LIPI: variants seen among roughly 807,000 people sequenced by gnomAD.
The protein encoded by LIPI is lipase I, also known as lipase member I.
A neutral mutation model predicts 50.6 loss-of-function variants in LIPI; 59 were observed. The observed-to-expected ratio is 1.16, with a 90% CI of 0.94 to 1.45. The LOEUF (loss-of-function observed/expected upper bound fraction) is 1.45. Ranked by LOEUF, LIPI falls within the 40% of genes most tolerant of loss-of-function variation. The probability of loss-of-function intolerance (pLI) is 0.00; values close to 1 mark genes in which losing one functional copy is unlikely to be tolerated. For synonymous variants in LIPI, 203 were observed against 178.2 expected, an observed-to-expected ratio of 1.14 and a Z score of -1.11; for missense variants, 586 against 536.3, an observed-to-expected ratio of 1.09 and a Z score of -0.92.
intron 9 of LIPI, among the ~76,000 whole-genome samples, chr21:14,131,928 G>C (rs1310039500): frequency 6.6e-6 from 1 of 152,068 alleles, no homozygotes; most frequent in East Asian, 1.9e-4. Context: ...ACATCCAAAA[G>C]CTTCAATAAG....
chr21:14,207,780 G>T (rs2020264126), intron 1 of LIPI, among the ~76,000 whole-genome samples: 1 of 152,146 alleles, frequency 6.6e-6, no homozygotes, highest in Admixed American at 6.5e-5. Flanking sequence ...AAGAATTAAA[G>T]AGAAAATGAA....
intron 4 of LIPI, among the ~76,000 whole-genome samples, chr21:14,171,018 C>T (rs1174939986): frequency 6.6e-6 from 1 of 150,760 alleles, no homozygotes; most frequent in African/African-American, 2.4e-5. Context: ...TCAGCAAAGT[C>T]TCAGGATACA....
At position 14,206,997 on chromosome 21, in the gene LIPI, C is replaced by T; in HGVS notation, c.46+3803G>A. 3 of 1,009,276 alleles carry T rather than the reference C, an allele frequency of 3.0e-6. No homozygotes were observed. In the East Asian group the frequency reaches 7.3e-5, roughly 25 times the overall value. The allele number at this position is 1,009,276 out of a possible 1,614,324, so 62.5% of individuals were successfully genotyped here. ...AATAAGAAGGAAGACCCTTTTGGGC[C>T]AGCAGAATTCCAAGTACGAAACAAT... On this transcript the variant is annotated intron_variant, in intron 1 of 9. Coordinates refer to ENST00000681601, the MANE Select transcript of LIPI (RefSeq NM_001302998.2).
intron 9 of LIPI, among the ~76,000 whole-genome samples, chr21:14,122,488 T>C (rs2016901201): frequency 6.6e-6 from 1 of 152,224 alleles, no homozygotes; most frequent in African/African-American, 2.4e-5. Flanking sequence ...AGTTTCTATA[T>C]ATTTTGATGC....
At chr21:14,164,763 A>G (rs905278105) in intron 6 of LIPI, among the ~76,000 whole-genome samples, 1 of 152,206 alleles carries the variant, frequency 6.6e-6, no homozygotes, top group Non-Finnish European at 1.5e-5. Flanking sequence ...TTATCCATTT[A>G]GAAGGTATGA....
At chr21:14,184,111 T>C (rs1600912769) in intron 3 of LIPI, among the ~76,000 whole-genome samples, 1 of 152,084 alleles carries the variant, frequency 6.6e-6, no homozygotes, top group East Asian at 1.9e-4. Flanking sequence ...ATTAAGAAAA[T>C]GTGGCACATA....
chr21:14,110,237 G>A (rs1384099952), intron 9 of LIPI, among the ~76,000 whole-genome samples: 1 of 151,552 alleles, frequency 6.6e-6, no homozygotes, highest in African/African-American at 2.4e-5. Flanking sequence ...TTCTTTACTT[G>A]AAAAATCTCC....
rs569339368 is a variant in LIPI at position 14,208,720 on chromosome 21, C to T, written c.46+2080G>A. On this transcript the variant is annotated intron_variant, in intron 1 of 9. Transcript: ENST00000681601. ...AGTAGGTGCAAAAGAGACTGTATGG[C>T]CCACAAAACGTAAAATATTTACTAT... 5.9e-5 allele frequency among the ~76,000 whole-genome samples: 9 copies of T among 152,302 alleles called. No homozygotes were observed. The South Asian group carries it at 1.7e-3, about 28-fold the overall frequency.
At chr21:14,147,857 T>G (rs988382660) in intron 8 of LIPI, among the ~76,000 whole-genome samples, 2 of 152,122 alleles carry the variant, frequency 1.3e-5, no homozygotes, top group African/African-American at 4.8e-5. Flanking sequence ...CTTACCCTGT[T>G]TTTTTGTTCC....
At chr21:14,145,055 C>T (rs1339764883) in intron 8 of LIPI, among the ~76,000 whole-genome samples, 2 of 152,052 alleles carry the variant, frequency 1.3e-5, no homozygotes, top group Admixed American at 6.6e-5. Context: ...GAAAAAGTGA[C>T]ATGTCTTTCT....
intron 9 of LIPI, among the ~76,000 whole-genome samples, chr21:14,125,584 G>A (rs1376594869): frequency 6.6e-6 from 1 of 152,122 alleles, no homozygotes; most frequent in Non-Finnish European, 1.5e-5. Context: ...TTGACATAGA[G>A]CCTCACTCTG....
At chr21:14,210,340 A>G (rs2020330881) in intron 1 of LIPI, among the ~76,000 whole-genome samples, 1 of 152,164 alleles carries the variant, frequency 6.6e-6, no homozygotes. Flanking sequence ...GAATGAGAGC[A>G]AAAGTTGTAG....
intron 9 of LIPI, 59 bp from the exon 10 acceptor site, chr21:14,109,139 G>A: frequency 1.5e-6 from 2 of 1,336,148 alleles, no homozygotes; most frequent in Non-Finnish European, 2.1e-6. Flanking sequence ...CAACAGAGTT[G>A]ATTTCCTTCT....
At chr21:14,118,995 C>A (rs1268513748) in intron 9 of LIPI, among the ~76,000 whole-genome samples, 1 of 152,230 alleles carries the variant, frequency 6.6e-6, no homozygotes, top group East Asian at 1.9e-4. Flanking sequence ...ACACTGCATG[C>A]TATTGTGCCT....
intron 9 of LIPI, among the ~76,000 whole-genome samples, chr21:14,115,680 C>A (rs1441128000): frequency 6.6e-6 from 1 of 152,118 alleles, no homozygotes; most frequent in African/African-American, 2.4e-5. Flanking sequence ...TGTCTTGGAG[C>A]CTTCCCTTGA....
chr21:14,123,098 C>T (rs888877194), intron 9 of LIPI, among the ~76,000 whole-genome samples: 3 of 152,186 alleles, frequency 2.0e-5, no homozygotes, highest in South Asian at 2.1e-4. Context: ...CACAAGATAA[C>T]TTCACCATAC....
At position 14,139,952 on chromosome 21, in the gene LIPI, T is replaced by C. The variant is rs908422666; in HGVS notation, c.1295+4671A>G. ...GTCAAGGCGTTGAAATTGGGAGGTA[T>C]GAGGCAGTGGAGATACTAGTTAGGT... On this transcript the variant is annotated intron_variant, in intron 9 of 9. Transcript: ENST00000681601. 9.2e-5 allele frequency among the ~76,000 whole-genome samples: 14 copies of C among 152,218 alleles called. 1 individual carries two copies. The highest frequency in any genetic ancestry group is 9.2e-4 in the Admixed American group (14 of 15,260).
chr21:14,168,860 C>T (rs866708254), intron 4 of LIPI, among the ~76,000 whole-genome samples: 3,106 of 152,090 alleles, frequency 0.02, 97 homozygotes, highest in African/African-American at 0.07. Flanking sequence ...TCACACATAA[C>T]AATATTAACT....
chr21:14,144,906 G>A, intron 8 of LIPI, 107 bp from the exon 9 acceptor site: 1 of 668,572 alleles, frequency 1.5e-6, no homozygotes, highest in Non-Finnish European at 2.6e-6. Flanking sequence ...CAAAATTATA[G>A]GGAAAAGGCC....
Sources: allele counts gnomAD v4.1 joint callset (sites outside exome capture counted in the v4.1 genomes callset), GRCh38; gene constraint gnomAD v4.1.1; transcripts MANE v1.5; gene names NCBI Gene and HGNC (gene_info 2026-07-23, HGNC 2026-07-21).